SFMBT2: variants seen among roughly 807,000 people sequenced by gnomAD.
SFMBT2 encodes the protein scm-like with four MBT domains protein 2.
Under a neutral mutation model 110.1 loss-of-function variants are expected in SFMBT2, and 38 were observed. The ratio of observed to expected loss-of-function variants is 0.35; its 90% CI spans 0.27 to 0.45. The LOEUF is 0.45. Ranked by LOEUF, SFMBT2 falls within the 20% of genes least tolerant of loss-of-function variation. The pLI, the probability that SFMBT2 is intolerant of heterozygous loss-of-function variation, is 1.00. For synonymous variants in SFMBT2, 425 were observed against 425.4 expected, an observed-to-expected ratio of 1.00 and a Z score of 0.01; for missense variants, 1,011 against 1,094.9, an observed-to-expected ratio of 0.92 and a Z score of 1.08.
At chr10:7,167,131 C>T (rs1837716276) in intron 20 of SFMBT2, among the ~76,000 whole-genome samples, 1 of 152,146 alleles carries the variant, frequency 6.6e-6, no homozygotes, top group Non-Finnish European at 1.5e-5. Context: ...GTATTGAGAT[C>T]TAGAGAAGTA....
intron 20 of SFMBT2, among the ~76,000 whole-genome samples, chr10:7,166,557 T>C (rs751442956): frequency 7.2e-5 from 11 of 152,166 alleles, no homozygotes; most frequent in Non-Finnish European, 1.3e-4. Context: ...AATGTCACAG[T>C]GAACAAAGGA....
chr10:7,185,836 T>TC (rs397735141), intron 16 of SFMBT2, among the ~76,000 whole-genome samples: 102 of 151,956 alleles, frequency 6.7e-4, no homozygotes, highest in African/African-American at 2.4e-3. Context: ...GCTTTTTTTT[T>TC]CCTTACCCCT....
intron 12 of SFMBT2, chr10:7,204,040 C>T (rs902015799): frequency 4.1e-6 from 1 of 243,716 alleles, no homozygotes; most frequent in Non-Finnish European, 6.6e-6. Flanking sequence ...TTTTAAGAGA[C>T]AGGGGAAAAG....
chr10:7,382,340 G>T (rs1845449082), intron 1 of SFMBT2, among the ~76,000 whole-genome samples: 1 of 152,120 alleles, frequency 6.6e-6, no homozygotes, highest in South Asian at 2.1e-4. Context: ...AACCTGGGAG[G>T]CAGAGATTGC....
chr10:7,330,670 T>C (rs1376141680), intron 4 of SFMBT2, among the ~76,000 whole-genome samples: 3 of 152,202 alleles, frequency 2.0e-5, no homozygotes, highest in Admixed American at 1.3e-4. Context: ...TTCCTCTCTC[T>C]CTGCTCCTCT....
At chr10:7,278,454 G>A (rs1230025133) in intron 6 of SFMBT2, among the ~76,000 whole-genome samples, 2 of 152,160 alleles carry the variant, frequency 1.3e-5, no homozygotes, top group African/African-American at 4.8e-5. Flanking sequence ...AGGCCACTCA[G>A]GGGACCCCGG....
intron 17 of SFMBT2, among the ~76,000 whole-genome samples, chr10:7,173,196 C>T (rs147679431): frequency 1.1e-4 from 17 of 152,358 alleles, no homozygotes; most frequent in Non-Finnish European, 2.5e-4. Flanking sequence ...CCAGAGCTGA[C>T]TTCTGCAGAA....
At chr10:7,371,353 T>C (rs1168926067) in intron 2 of SFMBT2, among the ~76,000 whole-genome samples, 1 of 152,110 alleles carries the variant, frequency 6.6e-6, no homozygotes, top group Non-Finnish European at 1.5e-5. Context: ...TGTCGAACTC[T>C]GAACCTCAGG....
Position 7,171,202 on chromosome 10 carries a change from ACT to A in SFMBT2, c.2416-148_2416-147del. The A allele has an allele frequency of 5.7e-6, 8 of 1,401,134 alleles. No homozygotes were observed. Among genetic ancestry groups the A allele is most frequent in the Non-Finnish European group, 7.8e-6 (8 of 1,030,626 alleles). The allele number at this position is 1,401,134 out of a possible 1,614,324, so 86.8% of individuals were successfully genotyped here. ...CTGGGCACCTGAAAAAGCTGCACAC[ACT>A]CTCAGTCCCTGAGAAAGTTCTTGGC... On this transcript the variant is annotated intron_variant, in intron 19 of 20. Transcript: ENST00000397167. The surrounding 1 kb of genome is among the most constrained non-coding windows in gnomAD (Gnocchi z 4.9).
At chr10:7,399,403 TTTA>T (rs1369560171) in intron 1 of SFMBT2, among the ~76,000 whole-genome samples, 3 of 152,116 alleles carry the variant, frequency 2.0e-5, no homozygotes, top group Non-Finnish European at 4.4e-5. Flanking sequence ...CAGCTAATTT[TTTA>T]TTTTTAGTAG....
chr10:7,369,862 T>C (rs1845014769), intron 3 of SFMBT2, among the ~76,000 whole-genome samples: 1 of 152,108 alleles, frequency 6.6e-6, no homozygotes, highest in South Asian at 2.1e-4. Flanking sequence ...TGAATTTCCA[T>C]CTTGCCTTTT....
At chr10:7,283,563 T>G (rs1320512818) in intron 6 of SFMBT2, among the ~76,000 whole-genome samples, 1 of 152,204 alleles carries the variant, frequency 6.6e-6, no homozygotes, top group Non-Finnish European at 1.5e-5. Flanking sequence ...GCCAGAGATT[T>G]CGGAACCTAC....
At chr10:7,320,473 A>G in intron 4 of SFMBT2, 1 of 492,298 alleles carries the variant, frequency 2.0e-6, no homozygotes, top group Non-Finnish European at 2.6e-6. Flanking sequence ...TTATCCTTTG[A>G]AATCTTCTTT....
intron 4 of SFMBT2, among the ~76,000 whole-genome samples, chr10:7,361,520 C>T (rs1489753828): frequency 6.6e-6 from 1 of 152,160 alleles, no homozygotes; most frequent in Non-Finnish European, 1.5e-5. Context: ...GCAGGAGCTG[C>T]CCACATAAAC....
At chr10:7,310,743 T>C (rs1239124291) in intron 4 of SFMBT2, among the ~76,000 whole-genome samples, 2 of 152,082 alleles carry the variant, frequency 1.3e-5, no homozygotes, top group East Asian at 3.9e-4. Context: ...AAAGGCTTCG[T>C]GTGCAAAAAA....
At chr10:7,292,573 A>G (rs543436358) in intron 4 of SFMBT2, among the ~76,000 whole-genome samples, 1 of 152,358 alleles carries the variant, frequency 6.6e-6, no homozygotes, top group East Asian at 1.9e-4. Flanking sequence ...AATGTCAGAA[A>G]AATTACACTT....
chr10:7,246,311 G>A, intron 8 of SFMBT2: 1 of 260,594 alleles, frequency 3.8e-6, no homozygotes, highest in Non-Finnish European at 6.0e-6. Context: ...ACTATCACTG[G>A]AAGTCTATTC....
chr10:7,356,819 T>C (rs1027820528), intron 4 of SFMBT2, among the ~76,000 whole-genome samples: 2 of 151,960 alleles, frequency 1.3e-5, no homozygotes, highest in South Asian at 4.1e-4. Flanking sequence ...ACCTGTAGAG[T>C]GATATGCAGT....
At chr10:7,386,684 A>C (rs1845616452) in intron 1 of SFMBT2, among the ~76,000 whole-genome samples, 1 of 152,166 alleles carries the variant, frequency 6.6e-6, no homozygotes, top group Admixed American at 6.5e-5. Context: ...AGTCTTGGGA[A>C]CCTAAACCTG....
Sources: allele counts gnomAD v4.1 joint callset (sites outside exome capture counted in the v4.1 genomes callset), GRCh38; gene constraint gnomAD v4.1.1; non-coding constraint Gnocchi (gnomAD v3.1); transcripts MANE v1.5; gene names NCBI Gene and HGNC (gene_info 2026-07-23, HGNC 2026-07-21).